The following FGD3 variants were observed in gnomAD, a reference collection of about 807,000 sequenced individuals.
FGD3 encodes the protein FYVE, RhoGEF and PH domain-containing protein 3.
FGD3 carries 45 observed loss-of-function variants against 71.8 expected under a neutral mutation model. The observed-to-expected ratio is 0.63, with a 90% confidence interval of 0.49 to 0.80. FGD3 has a LOEUF of 0.80. FGD3 is among the 30% of genes least tolerant of loss of function. FGD3 has a pLI of 0.00. For missense variants in FGD3, 844 were observed against 951.5 expected (o/e 0.89, Z 1.49); for synonymous variants, 378 against 392.8 (o/e 0.96, Z 0.44).
chr9:92,957,956 C>T (rs535637194), intron 1 of FGD3, among the ~76,000 whole-genome samples: 4 of 151,568 alleles, frequency 2.6e-5, no homozygotes, highest in Admixed American at 2.0e-4. Flanking sequence ...AGTGGGAATA[C>T]AGGCCACTGC....
intron 7 of FGD3, 26 bp from the exon 8 acceptor site, chr9:93,011,188 G>A (rs1564162008): frequency 1.2e-6 from 2 of 1,613,872 alleles, no homozygotes; most frequent in African/African-American, 1.3e-5. Flanking sequence ...CGTGGCCCCA[G>A]GCTGAACACA....
chr9:93,010,451 G>C, intron 7 of FGD3, 67 bp downstream of exon 7: 2 of 1,469,430 alleles, frequency 1.4e-6, no homozygotes, highest in African/African-American at 1.6e-5. Flanking sequence ...GGGGTGGGGA[G>C]AGAGGGAGAG....
At chr9:92,955,687 C>G (rs1002418721) in intron 1 of FGD3, among the ~76,000 whole-genome samples, 11 of 152,158 alleles carry the variant, frequency 7.2e-5, no homozygotes, top group African/African-American at 2.7e-4. Flanking sequence ...AGACACAGAG[C>G]AGCACCAGCA....
At chr9:93,001,450 T>C (rs926486265) in intron 3 of FGD3, among the ~76,000 whole-genome samples, 1 of 152,232 alleles carries the variant, frequency 6.6e-6, no homozygotes, top group Non-Finnish European at 1.5e-5. Context: ...AAGGCCTGTC[T>C]ACTGTGGTAC....
intron 1 of FGD3, among the ~76,000 whole-genome samples, chr9:92,954,852 T>G (rs892672390): frequency 6.6e-6 from 1 of 152,192 alleles, no homozygotes; most frequent in Admixed American, 6.5e-5. Context: ...CTGAGTATCG[T>G]GGCCTTGACA....
At chr9:93,033,435 C>G (rs970543524) in intron 16 of FGD3, 1 of 170,540 alleles carries the variant, frequency 5.9e-6, no homozygotes, top group Non-Finnish European at 1.3e-5. Context: ...TCCTTCTCCT[C>G]CCCGTACCCT....
At chr9:93,023,708 G>T (rs1487612473) in intron 14 of FGD3, among the ~76,000 whole-genome samples, 1 of 151,616 alleles carries the variant, frequency 6.6e-6, no homozygotes, top group Non-Finnish European at 1.5e-5. Context: ...CCTGCTGTTT[G>T]CTCTGTCCAA....
chr9:92,969,310 C>G lies in FGD3; in HGVS notation c.-217-5928C>G, dbSNP rs76074818. Among the ~76,000 whole-genome samples the G allele has an allele frequency of 0.079, 11,991 of 152,270 alleles. 528 individuals are homozygous for G. Among genetic ancestry groups the G allele is most frequent in the East Asian group, 0.16 (835 of 5,162 alleles). ...CCGCATGCCTCTCTGAGTGGCTAAG[C>G]CTCCCTCACAGTGAGGTGCTGGCTT... On this transcript the variant is annotated intron_variant, in intron 1 of 17. Transcript: ENST00000375482. This position sits in a 1 kb window ranked among gnomAD's most constrained non-coding sequence, Gnocchi z 4.5.
intron 3 of FGD3, among the ~76,000 whole-genome samples, chr9:92,993,727 G>A (rs906076453): frequency 2.6e-5 from 4 of 152,046 alleles, no homozygotes; most frequent in South Asian, 2.1e-4. Context: ...TTGGTTTTCC[G>A]TCCTTGCGAT....
Position 93,013,995 on chromosome 9 carries a change from C to G in FGD3, c.1179C>G (p.Phe393Leu), listed in dbSNP as rs749358127. The G allele has an allele frequency of 8.1e-6, 13 of 1,605,792 alleles. No homozygotes were observed. The highest frequency in any genetic ancestry group is 1.0e-5 in the Non-Finnish European group (12 of 1,176,260). ...GCACCCCCCAGGACCGCCACCTCTT[C>G]CTGGTGAGCCTGGCCCCTGCCAGCC... The part of the protein sequence containing the change: ...KNGTPQDRHL[F>L]LFNSMILYCV... Residue 393 changes from phenylalanine to leucine, a missense_variant, in exon 9 of 18, where the codon TTC (phenylalanine) becomes TTG (leucine). Phe to Leu is a conservative substitution (Grantham distance 22). Coordinates refer to ENST00000375482, the MANE Select transcript of FGD3 (RefSeq NM_001083536.2).
At chr9:92,973,632 A>G (rs1859617363) in intron 1 of FGD3, among the ~76,000 whole-genome samples, 1 of 152,084 alleles carries the variant, frequency 6.6e-6, no homozygotes, top group Non-Finnish European at 1.5e-5. Flanking sequence ...CTGAAGCAAG[A>G]CCCTCTGAGT....
intron 9 of FGD3, 87 bp downstream of exon 9, chr9:93,014,085 C>T: frequency 6.8e-7 from 1 of 1,471,816 alleles, no homozygotes; most frequent in African/African-American, 1.4e-5. Context: ...GCTCTGGCTG[C>T]CCAAGGACAT....
At chr9:93,031,723 A>G (rs1862363437) in intron 15 of FGD3, among the ~76,000 whole-genome samples, 1 of 152,140 alleles carries the variant, frequency 6.6e-6, no homozygotes, top group African/African-American at 2.4e-5. Flanking sequence ...GTTTAGGTTC[A>G]AACTAGAATT....
chr9:92,969,934 G>A lies in FGD3; in HGVS notation c.-217-5304G>A, dbSNP rs1045510822. Among the ~76,000 whole-genome samples, 1 of 152,244 alleles carries A rather than the reference G, an allele frequency of 6.6e-6. No homozygotes were observed. Among genetic ancestry groups the A allele is most frequent in the African/African-American group, 2.4e-5 (1 of 41,464 alleles). On this transcript the variant is annotated intron_variant, in intron 1 of 17. Coordinates refer to ENST00000375482, the MANE Select transcript of FGD3 (RefSeq NM_001083536.2). This position sits in a 1 kb window ranked among gnomAD's most constrained non-coding sequence, Gnocchi z 4.5. ...GTTTGTGGATTTCCTCGTGCTACAAGGTGGCAGCCCTGAGTGTCTGGGACC... is the reference window on the plus strand; with the variant it reads ...GTTTGTGGATTTCCTCGTGCTACAAAGTGGCAGCCCTGAGTGTCTGGGACC...
At position 93,035,574 on chromosome 9, in the gene FGD3, C is replaced by T. The variant is rs367700090; in HGVS notation, c.2163C>T (p.Gly721=). ...CCCTGCAGCTTCAGGTCCCTATGGG[C>T]GCAGCTGCTCCGTGAGCTGAGTCTC... ...PGALQLQVPM[G]AAAP Residue 721 remains glycine, a synonymous_variant, in exon 18 of 18, where the codon GGC becomes GGT. Transcript: ENST00000375482. 2.2e-5 allele frequency: 35 copies of T among 1,591,690 alleles called. No homozygotes were observed. Among genetic ancestry groups the T allele is most frequent in the Middle Eastern group, 1.7e-4 (1 of 5,890 alleles).
At position 92,970,149 on chromosome 9, in the gene FGD3, C is replaced by T. The variant is rs1052272408; in HGVS notation, c.-217-5089C>T. Among the ~76,000 whole-genome samples the T allele has an allele frequency of 8.5e-5, 13 of 152,316 alleles. 1 individual carries two copies. In the East Asian group the frequency reaches 2.5e-3, roughly 29 times the overall value. On this transcript the variant is annotated intron_variant, in intron 1 of 17. Coordinates refer to ENST00000375482, the MANE Select transcript of FGD3 (RefSeq NM_001083536.2). ...CCTGGGCGGACCAGAGTGACCCAAGCCCGGGGGCTTCCAGCACCTGTGTCC... is the reference window on the plus strand; with the variant it reads ...CCTGGGCGGACCAGAGTGACCCAAGTCCGGGGGCTTCCAGCACCTGTGTCC...
rs575211419 is a variant in FGD3 at position 93,035,524 on chromosome 9, G to C, written c.2113G>C (p.Asp705His). 4 of 1,612,168 alleles carry C rather than the reference G, an allele frequency of 2.5e-6. No homozygotes were observed. Among genetic ancestry groups the C allele is most frequent in the Admixed American group, 1.7e-5 (1 of 60,004 alleles). The part of the protein sequence containing the change: ...LETLSTAAHG[D>H]TAQDSPGALQ... ...AACCCTAAGCACTGCTGCCCATGGG[G>C]ACACGGCCCAGGACAGCCCGGGGGC... is the stretch of plus-strand genomic sequence containing the variant. Residue 705 changes from aspartate to histidine, a missense_variant, in exon 18 of 18, where the codon GAC (aspartate) becomes CAC (histidine). Physicochemically the swap from Asp to His is moderately conservative, Grantham distance 81 (BLOSUM62 -1). Transcript: ENST00000375482.
chr9:93,011,770 C>T (rs190351845), intron 8 of FGD3, among the ~76,000 whole-genome samples: 19 of 151,442 alleles, frequency 1.3e-4, no homozygotes, highest in Non-Finnish European at 1.9e-4. Context: ...GCAGAAGAAT[C>T]GCTTGAACCT....
At chr9:92,999,175 G>A (rs1860761057) in intron 3 of FGD3, among the ~76,000 whole-genome samples, 1 of 152,194 alleles carries the variant, frequency 6.6e-6, no homozygotes, top group Non-Finnish European at 1.5e-5. Flanking sequence ...AGCAATGGTG[G>A]ACGCCCCTCC....
Sources: allele counts gnomAD v4.1 joint callset (sites outside exome capture counted in the v4.1 genomes callset), GRCh38; gene constraint gnomAD v4.1.1; non-coding constraint Gnocchi (gnomAD v3.1); transcripts MANE v1.5; gene names NCBI Gene and HGNC (gene_info 2026-07-23, HGNC 2026-07-21).